BTAF1: variants seen among roughly 807,000 people sequenced by gnomAD.
The protein encoded by BTAF1 is B-TFIID TATA-box binding protein associated factor 1.
In BTAF1, 38 loss-of-function variants were observed where a neutral mutation model predicts 227.1. The observed-to-expected ratio is 0.17, with a 90% CI of 0.13 to 0.22. The LOEUF is 0.22. Among genes scored for constraint, BTAF1 ranks in the 10% least tolerant of loss-of-function variants. The probability of loss-of-function intolerance (pLI) is 1.00; values close to 1 mark genes in which losing one functional copy is unlikely to be tolerated. For synonymous variants in BTAF1, 742 were observed against 751.9 expected (o/e 0.99, Z 0.21); for missense variants, 1,598 against 2,204.0 (o/e 0.73, Z 5.51).
chr10:91,951,967 A>G (rs996608457), intron 5 of BTAF1, among the ~76,000 whole-genome samples: 3 of 151,428 alleles, frequency 2.0e-5, no homozygotes, highest in African/African-American at 7.3e-5. Context: ...TTTTTTTTTT[A>G]AGTGAGAAAT....
At chr10:91,970,393 G>C (rs1349168903) in intron 14 of BTAF1, among the ~76,000 whole-genome samples, 2 of 152,184 alleles carry the variant, frequency 1.3e-5, no homozygotes, top group Non-Finnish European at 2.9e-5. Flanking sequence ...ACAAAAGAAA[G>C]AGGTTTAATT....
At chr10:91,966,200 A>G (rs4933707) in intron 13 of BTAF1, among the ~76,000 whole-genome samples, 1 of 152,016 alleles carries the variant, frequency 6.6e-6, no homozygotes, top group Non-Finnish European at 1.5e-5. Context: ...CAGAGATGGC[A>G]CCAAAGGGAG....
At chr10:91,997,288 A>G in intron 24 of BTAF1, 1 of 647,392 alleles carries the variant, frequency 1.5e-6, no homozygotes, top group Non-Finnish European at 2.3e-6. Flanking sequence ...TTATTTTGAC[A>G]TTGGAATTCC....
rs969950350 is a variant in BTAF1, at chr10:92,025,826, A to C, written c.5076-766A>C. Among the ~76,000 whole-genome samples, 6 of 151,430 alleles carry C rather than the reference A, an allele frequency of 4.0e-5. No individual in the cohort carries two copies. The South Asian group carries it at 1.0e-3, about 26-fold the overall frequency. On this transcript the variant is annotated intron_variant, in intron 35 of 37. Transcript: ENST00000265990. ...ACTCTGTCTCAAAAAAAAAAAAAAA[A>C]AAAAAACAAGCATCCCTAAGAGATC...
At chr10:92,011,503 G>T in intron 30 of BTAF1, 88 bp downstream of exon 30, 1 of 541,854 alleles carries the variant, frequency 1.8e-6, no homozygotes, top group Non-Finnish European at 2.7e-6. Flanking sequence ...ATTTGGCGGT[G>T]AATTAAAGAA....
Position 91,997,701 on chromosome 10 carries a change from T to A in BTAF1, c.3610T>A (p.Phe1204Ile). Residue 1204 changes from phenylalanine (F) to isoleucine (I), a missense_variant, in exon 25 of 38, where the codon TTC (phenylalanine) becomes ATC (isoleucine). Around this residue, in one of 10 missense-constraint regions of BTAF1, gnomAD observed 425 missense variants for 491.2 expected, o/e 0.87. Coordinates refer to ENST00000265990, the MANE Select transcript of BTAF1 (RefSeq NM_003972.3). Reference protein sequence around the residue: ...RMSDQTDSVRFMATQCFATLI... With the variant: ...RMSDQTDSVRIMATQCFATLI... Reference sequence around the variant, plus strand: ...GAGTGATCAGACAGACAGTGTGAGATTCATGGCCACGCAGTGCTTTGCAAC... The same window carrying A: ...GAGTGATCAGACAGACAGTGTGAGAATCATGGCCACGCAGTGCTTTGCAAC... 1 of 1,614,102 alleles carries A rather than the reference T, an allele frequency of 6.2e-7. No homozygotes were observed. The highest frequency in any genetic ancestry group is 8.5e-7 in the Non-Finnish European group (1 of 1,180,020).
At chr10:91,968,629 A>G (rs1033053136) in intron 14 of BTAF1, among the ~76,000 whole-genome samples, 1 of 152,336 alleles carries the variant, frequency 6.6e-6, no homozygotes, top group Admixed American at 6.5e-5. Flanking sequence ...CTGTCTTCCA[A>G]GTGGCTGTAC....
In BTAF1 at chr10:92,013,939, G is replaced by T; in HGVS notation, c.4494G>T (p.Pro1498=). 1 of 1,613,854 alleles carries T rather than the reference G, an allele frequency of 6.2e-7. No homozygotes were observed. The highest frequency in any genetic ancestry group is 1.7e-5 in the Admixed American group (1 of 60,002). The change falls in exon 32 of 38, where the codon CCG becomes CCT. Residue 1498 remains proline (P), a synonymous_variant. Transcript: ENST00000265990. ...AMDALHRQVL[P]FLLRRMKEDV... ...ATGCGCTGCACCGCCAAGTACTACC[G>T]TTTCTTTTGAGAAGAATGAAAGAAG...
Position 91,980,895 on chromosome 10 carries a change from T to G in BTAF1, c.1755+337T>G, listed in dbSNP as rs1354470466. Reference sequence around the variant, plus strand: ...TGCTTATAGATCCTGCAAAGTATCTTTTAGGATCTGTTGGTAATATAGAGT... The same window carrying G: ...TGCTTATAGATCCTGCAAAGTATCTGTTAGGATCTGTTGGTAATATAGAGT... On this transcript the variant is annotated intron_variant, in intron 15 of 37. Coordinates refer to ENST00000265990, the MANE Select transcript of BTAF1 (RefSeq NM_003972.3). Among the ~76,000 whole-genome samples, 8 of 152,314 alleles carry G rather than the reference T, an allele frequency of 5.3e-5. No homozygotes were observed. In the East Asian group the frequency reaches 1.5e-3, roughly 29 times the overall value.
At chr10:92,007,318 A>G (rs1374839228) in intron 25 of BTAF1, among the ~76,000 whole-genome samples, 2 of 144,586 alleles carry the variant, frequency 1.4e-5, no homozygotes, top group Non-Finnish European at 3.0e-5. Context: ...TCCCAGGTTC[A>G]AGCGATTCTC....
intron 9 of BTAF1, among the ~76,000 whole-genome samples, chr10:91,959,473 A>G (rs1319865024): frequency 6.6e-6 from 1 of 152,040 alleles, no homozygotes; most frequent in Non-Finnish European, 1.5e-5. Context: ...GAGTGCGAGT[A>G]ACATAATACA....
At position 91,935,795 on chromosome 10, in the gene BTAF1, T is replaced by G; in HGVS notation, c.138+15T>G. On this transcript the variant is annotated intron_variant, in intron 2 of 37. Transcript: ENST00000265990. ...TCCTGTCTAAAGTAAGAACTTTTTT[T>G]TTTCTTTTAGCATAATACAATTGTA... 2.5e-6 allele frequency: 4 copies of G among 1,592,466 alleles called. No homozygotes were observed. Among genetic ancestry groups the G allele is most frequent in the Non-Finnish European group, 3.4e-6 (4 of 1,168,040 alleles).
rs372020587 is a variant in BTAF1 at position 91,996,360 on chromosome 10, T to C, written c.3310-9T>C. ...ATAATTCTAATTGCCATTAACTTTT[T>C]GTTTTTAGTTGGTCCAGCATTTGCC... On this transcript the variant is annotated splice_polypyrimidine_tract_variant and intron_variant, in intron 23 of 37. Transcript: ENST00000265990. The C allele has an allele frequency of 1.2e-6, 2 of 1,611,688 alleles. No individual in the cohort carries two copies. Among genetic ancestry groups the C allele is most frequent in the Non-Finnish European group, 1.7e-6 (2 of 1,178,354 alleles).
In BTAF1 at chr10:91,982,581, T is replaced by A; in HGVS notation, c.2049-6T>A. On this transcript the variant is annotated splice_region_variant and splice_polypyrimidine_tract_variant and intron_variant, in intron 17 of 37. Coordinates refer to ENST00000265990, the MANE Select transcript of BTAF1 (RefSeq NM_003972.3). ...CTTATAGTAACTTCCTTTTTCTCCC[T>A]CTTAGGTTGTTAGGAGCACTTTGTT... 6.2e-7 allele frequency: 1 copy of A among 1,609,904 alleles called. No individual in the cohort carries two copies. Among genetic ancestry groups the A allele is most frequent in the Non-Finnish European group, 8.5e-7 (1 of 1,178,396 alleles).
chr10:91,956,743 A>G (rs1846116344), intron 7 of BTAF1, 86 bp downstream of exon 7: 2 of 1,435,156 alleles, frequency 1.4e-6, no homozygotes, highest in Non-Finnish European at 9.4e-7. Context: ...TAATCCCAGC[A>G]CTTTGGGAGG....
At chr10:92,016,287 A>G in intron 32 of BTAF1, 53 bp from the exon 33 acceptor site, 2 of 1,552,580 alleles carry the variant, frequency 1.3e-6, no homozygotes, top group Admixed American at 4.5e-5. Flanking sequence ...ATGTGTTTTG[A>G]ACAATTGAAA....
chr10:91,991,163 G>A (rs756833032), intron 20 of BTAF1, among the ~76,000 whole-genome samples: 2 of 149,264 alleles, frequency 1.3e-5, no homozygotes, highest in Middle Eastern at 3.5e-3. Flanking sequence ...GGAGACTGGC[G>A]TGAACCTGGG....
intron 26 of BTAF1, 133 bp from the exon 27 acceptor site, chr10:92,008,696 C>T (rs1025732784): frequency 1.2e-6 from 1 of 854,756 alleles, no homozygotes; most frequent in Non-Finnish European, 1.7e-6. Flanking sequence ...TGTTTAGTGT[C>T]TTATACCCAT....
chr10:91,960,187 A>G (rs1846400843), intron 11 of BTAF1, 33 bp downstream of exon 11: 1 of 1,599,076 alleles, frequency 6.3e-7, no homozygotes, highest in African/African-American at 1.3e-5. Context: ...CTTATGTGGG[A>G]GAGTTTTTTC....
Sources: gnomAD v4.1 joint callset for allele counts (sites outside exome capture counted in the v4.1 genomes callset) on GRCh38, gnomAD v4.1.1 for gene constraint, gnomAD v4.1.1 regional missense constraint, MANE v1.5 for transcripts, NCBI Gene and HGNC (gene_info 2026-07-23, HGNC 2026-07-21) for gene names.